MEGF10: variants seen among roughly 807,000 people sequenced by gnomAD.
The protein encoded by MEGF10 is multiple epidermal growth factor-like domains protein 10.
In MEGF10, 86 loss-of-function variants were observed where a neutral mutation model predicts 147.5. The observed-to-expected ratio is 0.58, with a 90% CI of 0.49 to 0.70. MEGF10 has a LOEUF of 0.70. Ranked by LOEUF, MEGF10 falls within the 30% of genes least tolerant of loss-of-function variation. The probability of loss-of-function intolerance (pLI) is 0.00; values close to 1 mark genes in which losing one functional copy is unlikely to be tolerated. For missense variants in MEGF10, 1,329 were observed against 1,487.3 expected (o/e 0.89, Z 1.75); for synonymous variants, 478 against 525.5 (o/e 0.91, Z 1.24).
At chr5:127,268,246 C>G in the MEGF10 span, among the ~76,000 whole-genome samples, 1 of 152,124 alleles carries the variant, frequency 6.6e-6, no homozygotes, top group Admixed American at 6.5e-5. Context: ...GTTTCTTAAT[C>G]CTGAGTTCTA....
At chr5:127,369,094 T>G (rs1205726241) in intron 4 of MEGF10, among the ~76,000 whole-genome samples, 1 of 152,176 alleles carries the variant, frequency 6.6e-6, no homozygotes, top group African/African-American at 2.4e-5. Flanking sequence ...AAATAAAATT[T>G]TAGAATATCC....
the MEGF10 span, among the ~76,000 whole-genome samples, chr5:127,247,407 G>C: frequency 2.6e-4 from 17 of 65,274 alleles, no homozygotes; most frequent in African/African-American, 9.1e-4. Context: ...AGAAGAAGAA[G>C]AAGAAGAAGA....
intron 8 of MEGF10, among the ~76,000 whole-genome samples, chr5:127,407,582 T>G (rs1231478444): frequency 2.0e-5 from 3 of 152,214 alleles, no homozygotes; most frequent in Non-Finnish European, 4.4e-5. Context: ...ATGTCTACTG[T>G]GGCTGATATT....
At chr5:127,278,941 G>A in the MEGF10 span, among the ~76,000 whole-genome samples, 1 of 152,168 alleles carries the variant, frequency 6.6e-6, no homozygotes, top group African/African-American at 2.4e-5. Flanking sequence ...AGTACTAGTA[G>A]TCATGAATTT....
At chr5:127,360,969 C>A (rs1762450804) in intron 4 of MEGF10, among the ~76,000 whole-genome samples, 2 of 151,792 alleles carry the variant, frequency 1.3e-5, no homozygotes, top group Admixed American at 6.6e-5. Context: ...AATCTTTGCA[C>A]CTATGTGAGT....
chr5:127,325,827 GTATA>G (rs10550881), intron 1 of MEGF10, among the ~76,000 whole-genome samples: 7 of 133,220 alleles, frequency 5.3e-5, no homozygotes, highest in African/African-American at 1.4e-4. Context: ...AGATTTGAGA[GTATA>G]TATATATATA....
chr5:127,425,788 C>A (rs1332743732), intron 13 of MEGF10, among the ~76,000 whole-genome samples: 1 of 152,086 alleles, frequency 6.6e-6, no homozygotes, highest in Non-Finnish European at 1.5e-5. Flanking sequence ...ATTTAAGACA[C>A]CAGGTTTGAG....
chr5:127,386,201 G>A (rs1046409975), intron 5 of MEGF10, among the ~76,000 whole-genome samples: 1 of 152,140 alleles, frequency 6.6e-6, no homozygotes, highest in African/African-American at 2.4e-5. Context: ...CACAGAACTG[G>A]GCATTTCTGT....
chr5:127,247,398 GAAGAAGAAGAAGA>G, the MEGF10 span, among the ~76,000 whole-genome samples: 2 of 47,658 alleles, frequency 4.2e-5, no homozygotes, highest in Non-Finnish European at 8.3e-5. Context: ...AGAAGAAGAA[GAAGAAGAAGAAGA>G]AGAAGAAGAA....
chr5:127,268,363 G>A, the MEGF10 span, among the ~76,000 whole-genome samples: 2 of 152,342 alleles, frequency 1.3e-5, no homozygotes, highest in South Asian at 4.1e-4. Flanking sequence ...TGGAATAAGT[G>A]CGATGTGGTT....
At chr5:127,402,155 G>A (rs989587211) in intron 7 of MEGF10, among the ~76,000 whole-genome samples, 4 of 152,122 alleles carry the variant, frequency 2.6e-5, no homozygotes, top group South Asian at 2.1e-4. Context: ...TTTATGTAAC[G>A]GATGCTCAAT....
At chr5:127,270,180 A>G in the MEGF10 span, among the ~76,000 whole-genome samples, 63 of 152,324 alleles carry the variant, frequency 4.1e-4, no homozygotes, top group Admixed American at 1.5e-3. Context: ...TCAACTAATG[A>G]GCAAAATAAC....
At chr5:127,281,856 G>A in the MEGF10 span, among the ~76,000 whole-genome samples, 60 of 152,310 alleles carry the variant, frequency 3.9e-4, no homozygotes, top group African/African-American at 1.1e-3. Flanking sequence ...TTCAGCTCCC[G>A]CTCCTTGGCT....
chr5:127,404,164 C>T lies in MEGF10; in HGVS notation c.917+1482C>T, dbSNP rs562621789. ...ACTGGCTTGAGATTATATCTCATTGCATATATAAATGCAAATCATTGTAGT... is the reference window on the plus strand; with the variant it reads ...ACTGGCTTGAGATTATATCTCATTGTATATATAAATGCAAATCATTGTAGT... On this transcript the variant is annotated intron_variant, in intron 8 of 24. Coordinates refer to ENST00000503335, the MANE Select transcript of MEGF10 (RefSeq NM_001256545.2). Among the ~76,000 whole-genome samples, 103 of 151,874 alleles carry T rather than the reference C, an allele frequency of 6.8e-4. 1 individual carries two copies. Among genetic ancestry groups the T allele is most frequent in the Non-Finnish European group, 1.0e-3 (71 of 67,926 alleles).
chr5:127,447,793 A>G (rs1766006336), intron 21 of MEGF10, 109 bp downstream of exon 21: 1 of 1,332,852 alleles, frequency 7.5e-7, no homozygotes, highest in Non-Finnish European at 1.0e-6. Context: ...TACTTTACAT[A>G]TATTATCTAA....
Position 127,396,461 on chromosome 5 carries a change from C to A in MEGF10, c.413-71C>A, listed in dbSNP as rs1036868402. 5 of 1,474,806 alleles carry A rather than the reference C, an allele frequency of 3.4e-6. No homozygotes were observed. In the African/African-American group the frequency reaches 5.7e-5, roughly 17 times the overall value. 91.4% of individuals were successfully genotyped at this position (1,474,806 alleles called of 1,614,324 possible). On this transcript the variant is annotated intron_variant, in intron 5 of 24. Transcript: ENST00000503335. ...GGCCATGAGAGGTCACCAAGCCATT[C>A]TCCCCGAGAGGCGAAGAAATCTGGT... is the stretch of plus-strand genomic sequence containing the variant.
At chr5:127,366,727 C>T (rs1014773490) in intron 4 of MEGF10, among the ~76,000 whole-genome samples, 12 of 152,144 alleles carry the variant, frequency 7.9e-5, no homozygotes, top group Non-Finnish European at 1.3e-4. Flanking sequence ...TTACAATTGA[C>T]TGAACTTCTT....
intron 4 of MEGF10, among the ~76,000 whole-genome samples, chr5:127,360,518 T>C (rs1762430996): frequency 6.6e-6 from 1 of 151,976 alleles, no homozygotes; most frequent in Non-Finnish European, 1.5e-5. Context: ...AGTATCATGC[T>C]GAATAGAAAT....
chr5:127,335,060 C>T (rs1055816639), intron 2 of MEGF10, among the ~76,000 whole-genome samples: 1 of 152,162 alleles, frequency 6.6e-6, no homozygotes, highest in Middle Eastern at 3.4e-3. Flanking sequence ...ATTAAAATCA[C>T]GGCAATGATA....
Sources: gnomAD v4.1 joint callset for allele counts (sites outside exome capture counted in the v4.1 genomes callset) on GRCh38, gnomAD v4.1.1 for gene constraint, MANE v1.5 for transcripts, NCBI Gene and HGNC (gene_info 2026-07-23, HGNC 2026-07-21) for gene names.